Variants in FREM2 observed in about 807,000 individuals in gnomAD.
FREM2 encodes FRAS1-related extracellular matrix protein 2.
In FREM2, 119 loss-of-function variants were observed where a neutral mutation model predicts 219.9. The observed-to-expected ratio is 0.54, with a 90% confidence interval of 0.47 to 0.63. The LOEUF is 0.63. Among genes scored for constraint, FREM2 ranks in the 30% least tolerant of loss-of-function variants. The pLI, the probability that FREM2 is intolerant of heterozygous loss-of-function variation, is 0.00. For missense variants in FREM2, 4,030 were observed against 3,993.6 expected, an observed-to-expected ratio of 1.01 and a Z score of -0.25; for synonymous variants, 1,562 against 1,522.8, an observed-to-expected ratio of 1.03 and a Z score of -0.60.
chr13:38,702,764 C>A (rs1399462003), intron 2 of FREM2, among the ~76,000 whole-genome samples: 1 of 152,074 alleles, frequency 6.6e-6, no homozygotes, highest in East Asian at 1.9e-4. Flanking sequence ...TTATTTGAAA[C>A]CTCTCATATG....
At chr13:38,711,126 GGAGT>G (rs1019856819) in intron 2 of FREM2, among the ~76,000 whole-genome samples, 11 of 152,164 alleles carry the variant, frequency 7.2e-5, no homozygotes, top group African/African-American at 2.7e-4. Context: ...TGTTGAGAAT[GGAGT>G]GAGTTTACAC....
intron 6 of FREM2, among the ~76,000 whole-genome samples, chr13:38,789,711 C>T (rs1366608944): frequency 6.6e-6 from 1 of 151,040 alleles, no homozygotes; most frequent in African/African-American, 2.4e-5. Flanking sequence ...ATTTTGATAA[C>T]TATATTTGCA....
intron 4 of FREM2, among the ~76,000 whole-genome samples, chr13:38,778,205 G>C (rs1409644280): frequency 2.6e-5 from 4 of 152,196 alleles, no homozygotes; most frequent in African/African-American, 4.8e-5. Context: ...GTCTTAGTCA[G>C]CTCAGGCTGC....
chr13:38,874,871 A>G (rs1566175123), intron 18 of FREM2, among the ~76,000 whole-genome samples: 1 of 152,234 alleles, frequency 6.6e-6, no homozygotes, highest in African/African-American at 2.4e-5. Flanking sequence ...CTTAAAGAGC[A>G]TAGGAATAAT....
chr13:38,716,475 A>G (rs1207633391), intron 2 of FREM2, among the ~76,000 whole-genome samples: 1 of 150,552 alleles, frequency 6.6e-6, no homozygotes, highest in Non-Finnish European at 1.5e-5. Flanking sequence ...CCTCATACCT[A>G]CCTCCACCTT....
chr13:38,719,939 T>G (rs1006306625), intron 2 of FREM2, among the ~76,000 whole-genome samples: 1 of 152,162 alleles, frequency 6.6e-6, no homozygotes, highest in African/African-American at 2.4e-5. Flanking sequence ...TTAATTTCTT[T>G]GAGGTTCAGA....
chr13:38,812,241 GT>G (rs1875513787), intron 6 of FREM2, among the ~76,000 whole-genome samples: 3 of 151,676 alleles, frequency 2.0e-5, no homozygotes, highest in African/African-American at 7.3e-5. Context: ...TTGTTTTTTC[GT>G]CCATTCAGCC....
intron 6 of FREM2, among the ~76,000 whole-genome samples, chr13:38,813,516 C>A (rs1593423201): frequency 1.2e-4 from 1 of 8,522 alleles, no homozygotes; most frequent in East Asian, 3.0e-3. Context: ...CTCTCTCTCT[C>A]TCCTCTCTCT....
chr13:38,717,220 C>T (rs1322200130), intron 2 of FREM2, among the ~76,000 whole-genome samples: 1 of 151,988 alleles, frequency 6.6e-6, no homozygotes, highest in African/African-American at 2.4e-5. Flanking sequence ...TTTTCTCCTT[C>T]CATGTCCTGC....
chr13:38,873,040 A>G (rs1262848424), intron 17 of FREM2, 106 bp downstream of exon 17: 12 of 864,906 alleles, frequency 1.4e-5, no homozygotes, highest in South Asian at 1.3e-4. Flanking sequence ...AAATTTCAGT[A>G]TATTTTCATT....
rs1348154384 is a variant in FREM2 at position 38,846,631 on chromosome 13, G to A, written c.6078G>A (p.Val2026=). The A allele has an allele frequency of 6.2e-7, 1 of 1,613,816 alleles. No individual in the cohort carries two copies. Among genetic ancestry groups the A allele is most frequent in the Non-Finnish European group, 8.5e-7 (1 of 1,179,832 alleles). ...EYSVDESAGY[V]EVQVWRTGTD... is the part of the protein sequence containing the mutation. ...CTGTGGATGAGAGTGCTGGCTATGT[G>A]GAAGTGCAGGTGTGGAGAACGGGCA... Residue 2026 remains valine, a synonymous_variant, in exon 7 of 24, where the codon GTG becomes GTA. Coordinates refer to ENST00000280481, the MANE Select transcript of FREM2 (RefSeq NM_207361.6).
At chr13:38,803,086 G>A (rs538089328) in intron 6 of FREM2, among the ~76,000 whole-genome samples, 1 of 152,206 alleles carries the variant, frequency 6.6e-6, no homozygotes, top group South Asian at 2.1e-4. Flanking sequence ...CATGGATGAG[G>A]CATGTACTAG....
chr13:38,790,755 GA>G (rs1194348046), intron 6 of FREM2, among the ~76,000 whole-genome samples: 1 of 152,160 alleles, frequency 6.6e-6, no homozygotes, highest in African/African-American at 2.4e-5. Flanking sequence ...AATATTTTGT[GA>G]GACAAATGCT....
intron 6 of FREM2, among the ~76,000 whole-genome samples, chr13:38,800,169 T>C (rs1183627711): frequency 1.3e-5 from 2 of 152,182 alleles, no homozygotes; most frequent in African/African-American, 4.8e-5. Flanking sequence ...CAGTTTTGTG[T>C]GTTTTCATGA....
At chr13:38,811,999 C>T (rs1005160421) in intron 6 of FREM2, among the ~76,000 whole-genome samples, 1 of 152,110 alleles carries the variant, frequency 6.6e-6, no homozygotes, top group East Asian at 1.9e-4. Context: ...TATATATTTA[C>T]AATTATTGTA....
rs759421771 is a variant in FREM2 at position 38,691,281 on chromosome 13, G to T, written c.3937G>T (p.Glu1313Ter). 2 of 1,613,936 alleles carry T rather than the reference G, an allele frequency of 1.2e-6. No homozygotes were observed. Among genetic ancestry groups the T allele is most frequent in the Non-Finnish European group, 1.7e-6 (2 of 1,179,832 alleles). ...CAGAATGACTATCAATAATGGACTA[G>T]AAATAGAAATTGGGGATACCAAGAT... ...TPRMTINNGL[E>*]IEIGDTKIIN... The change falls in exon 1 of 24, where the codon GAA becomes TAA. Residue 1313 changes from glutamate to a stop codon, truncating the protein, a stop_gained. Transcript: ENST00000280481. LOFTEE classifies it high-confidence loss of function.
Position 38,697,797 on chromosome 13 carries a change from C to A in FREM2, c.5263+10C>A. ...GCAGTTGAAGATGGTGGTAAGTATT[C>A]CCCTCTCCTGGTAGTGACCGCAAGG... On this transcript the variant is annotated intron_variant, in intron 2 of 23. Coordinates refer to ENST00000280481, the MANE Select transcript of FREM2 (RefSeq NM_207361.6). 6.6e-7 allele frequency: 1 copy of A among 1,514,006 alleles called. No homozygotes were observed. Among genetic ancestry groups the A allele is most frequent in the Non-Finnish European group, 9.2e-7 (1 of 1,088,852 alleles). 93.8% of individuals were successfully genotyped at this position (1,514,006 alleles called of 1,614,324 possible).
rs1870755518 is a variant in FREM2 at position 38,711,180 on chromosome 13, G to A, written c.5263+13393G>A. Among the ~76,000 whole-genome samples, 2 of 152,088 alleles carry A rather than the reference G, an allele frequency of 1.3e-5. 1 individual carries two copies. Among genetic ancestry groups the A allele is most frequent in the South Asian group, 4.2e-4 (2 of 4,816 alleles). ...GCTCACTTTAATCTCCCATTTCTCT[G>A]CATCACTTTGATAAAACTGAGACAA... On this transcript the variant is annotated intron_variant, in intron 2 of 23. Coordinates refer to ENST00000280481, the MANE Select transcript of FREM2 (RefSeq NM_207361.6).
At chr13:38,716,047 A>G (rs1287412639) in intron 2 of FREM2, among the ~76,000 whole-genome samples, 2 of 152,180 alleles carry the variant, frequency 1.3e-5, no homozygotes, top group African/African-American at 4.8e-5. Flanking sequence ...AAGGCAAATG[A>G]TTTATTTTAC....
Sources: allele counts gnomAD v4.1 joint callset (sites outside exome capture counted in the v4.1 genomes callset), GRCh38; gene constraint gnomAD v4.1.1; transcripts MANE v1.5; gene names NCBI Gene and HGNC (gene_info 2026-07-23, HGNC 2026-07-21).